Variants in NRP2 observed in about 807,000 individuals in gnomAD.
NRP2 encodes neuropilin-2.
In NRP2, 52 loss-of-function variants were observed where a neutral mutation model predicts 110.4. That is an observed-to-expected ratio of 0.47 (90% CI 0.38 to 0.59). NRP2 has a LOEUF of 0.59. Among genes scored for constraint, NRP2 ranks in the 20% least tolerant of loss-of-function variants. The pLI, the probability that NRP2 is intolerant of heterozygous loss-of-function variation, is 0.00. For synonymous variants in NRP2, 508 were observed against 468.9 expected (o/e 1.08, Z -1.08); for missense variants, 1,049 against 1,203.0 (o/e 0.87, Z 1.89).
At chr2:205,692,737 T>C (rs1482525904) in intron 1 of NRP2, among the ~76,000 whole-genome samples, 1 of 152,186 alleles carries the variant, frequency 6.6e-6, no homozygotes, top group East Asian at 1.9e-4. Flanking sequence ...ACCAAGCAGA[T>C]AGAACAGGGG....
chr2:205,752,329 CCTTGTT>C, intron 11 of NRP2: 26 of 201,928 alleles, frequency 1.3e-4, no homozygotes, highest in South Asian at 3.6e-4. Flanking sequence ...AACAAGCCTT[CCTTGTT>C]TCTGAGGTCA....
At chr2:205,776,830 T>C in intron 15 of NRP2, 4 of 1,299,540 alleles carry the variant, frequency 3.1e-6, no homozygotes, top group Non-Finnish European at 3.0e-6. Flanking sequence ...GCTGGTTTTG[T>C]TCCAGAGACT....
Position 205,697,564 on chromosome 2 carries a change from T to C in NRP2, c.94T>C (p.Leu32=), listed in dbSNP as rs758296308. 7 of 1,613,986 alleles carry C rather than the reference T, an allele frequency of 4.3e-6. No individual in the cohort carries two copies. In the Admixed American group the frequency reaches 8.3e-5, roughly 19 times the overall value. ...GQPDPPCGGR[L]NSKDAGYITS... The stretch of plus-strand genomic sequence containing the variant: ...TTCAGACCCACCGTGCGGAGGTCGT[T>C]TGAATTCCAAAGATGCTGGCTATAT... Residue 32 remains leucine (L), a synonymous_variant, in exon 2 of 17, where the codon TTG becomes CTG. Transcript: ENST00000357785.
intron 15 of NRP2, among the ~76,000 whole-genome samples, chr2:205,770,601 G>C (rs2058006040): frequency 6.6e-6 from 1 of 152,048 alleles, no homozygotes; most frequent in African/African-American, 2.4e-5. Flanking sequence ...TTTCTCCCTG[G>C]ACTCCCTTCC....
chr2:205,797,161 C>T lies in NRP2; in HGVS notation c.*2103C>T, dbSNP rs558610622. 6.5e-6 allele frequency: 1 copy of T among 152,808 alleles called. No homozygotes were observed. Among genetic ancestry groups the T allele is most frequent in the East Asian group, 1.9e-4 (1 of 5,184 alleles). The allele number at this position is 152,808 out of a possible 1,614,324, so 9.5% of individuals were successfully genotyped here. ...ACAGCTGATCTTGGCACTCGGCACT[C>T]ATTGGCACAGTGGTAGTTAGAGGTG... On this transcript the variant is annotated 3_prime_UTR_variant, in exon 17 of 17. Coordinates refer to ENST00000357785, the MANE Select transcript of NRP2 (RefSeq NM_003872.3).
intron 15 of NRP2, among the ~76,000 whole-genome samples, chr2:205,770,100 C>T (rs116181859): frequency 1.2e-3 from 187 of 152,216 alleles, no homozygotes; most frequent in African/African-American, 4.4e-3. Flanking sequence ...TAGAGACTCA[C>T]GGAAATCCCA....
chr2:205,776,660 A>C (rs1052109798), intron 15 of NRP2: 1 of 1,561,580 alleles, frequency 6.4e-7, no homozygotes, highest in Non-Finnish European at 8.6e-7. Flanking sequence ...CCCAACCCTG[A>C]GCACTCTTAT....
At chr2:205,744,831 C>A (rs779576911) in intron 9 of NRP2, among the ~76,000 whole-genome samples, 1 of 152,178 alleles carries the variant, frequency 6.6e-6, no homozygotes, top group South Asian at 2.1e-4. Flanking sequence ...GTAACTGGAA[C>A]CTTGCATCGA....
At chr2:205,741,409 C>T (rs980223939) in intron 8 of NRP2, among the ~76,000 whole-genome samples, 10 of 152,118 alleles carry the variant, frequency 6.6e-5, no homozygotes, top group Non-Finnish European at 4.4e-5. Flanking sequence ...ATGGTCACAG[C>T]TTTCTCAATG....
At chr2:205,733,068 C>T (rs887986933) in intron 7 of NRP2, among the ~76,000 whole-genome samples, 4 of 152,040 alleles carry the variant, frequency 2.6e-5, no homozygotes, top group Non-Finnish European at 5.9e-5. Context: ...TTTATCTGAC[C>T]CTCTCAATTA....
At chr2:205,776,366 C>T in intron 15 of NRP2, 1 of 1,613,262 alleles carries the variant, frequency 6.2e-7, no homozygotes, top group South Asian at 1.1e-5. Context: ...GTCTCCGTCG[C>T]GCTGGCCCTG....
chr2:205,723,996 G>A lies in NRP2; in HGVS notation c.820+56G>A, dbSNP rs13399278. Reference sequence around the variant, plus strand: ...GTCCTTCCGTCAGGGCTGTGAGGGTGTACAGGTGAAGGGGGGCTGAGCTCT... The same window carrying A: ...GTCCTTCCGTCAGGGCTGTGAGGGTATACAGGTGAAGGGGGGCTGAGCTCT... On this transcript the variant is annotated intron_variant, in intron 5 of 16. Coordinates refer to ENST00000357785, the MANE Select transcript of NRP2 (RefSeq NM_003872.3). 2.3e-3 allele frequency: 3,720 copies of A among 1,599,062 alleles called. 66 individuals carry two copies. The African/African-American group carries it at 0.042, about 18-fold the overall frequency.
chr2:205,734,709 C>G (rs948749874), intron 7 of NRP2, among the ~76,000 whole-genome samples: 1 of 152,114 alleles, frequency 6.6e-6, no homozygotes, highest in South Asian at 2.1e-4. Flanking sequence ...TTTCCCCCTT[C>G]TTGAGTGTCT....
At chr2:205,748,419 A>C (rs958754423) in intron 10 of NRP2, among the ~76,000 whole-genome samples, 1 of 152,234 alleles carries the variant, frequency 6.6e-6, no homozygotes, top group Non-Finnish European at 1.5e-5. Context: ...TTTGCTTTAC[A>C]ATCGAGTTTC....
intron 8 of NRP2, among the ~76,000 whole-genome samples, chr2:205,742,944 G>C (rs928584613): frequency 2.0e-5 from 3 of 152,152 alleles, no homozygotes; most frequent in African/African-American, 7.2e-5. Flanking sequence ...TAGATCTAAG[G>C]AAACTGAGGC....
Position 205,723,863 on chromosome 2 carries a change from C to G in NRP2, c.743C>G (p.Thr248Ser). The change falls in exon 5 of 17, where the codon ACC becomes AGC. Residue 248 changes from threonine (T) to serine (S), a missense_variant. Physicochemically the swap from Thr to Ser is moderately conservative, Grantham distance 58. Transcript: ENST00000357785. ...TCATCGACGGGGATCCTCTCCCTGA[C>G]CTTTCACACGGACATGGCGGTGGCC... is the stretch of plus-strand genomic sequence containing the variant. ...LRSSTGILSL[T>S]FHTDMAVAKD... is the part of the protein sequence containing the mutation. 1.2e-6 allele frequency: 2 copies of G among 1,614,218 alleles called. No individual in the cohort carries two copies. The highest frequency in any genetic ancestry group is 2.7e-5 in the African/African-American group (2 of 75,064).
chr2:205,725,153 C>G lies in NRP2; in HGVS notation c.821-760C>G, dbSNP rs115114084. 2.7e-3 allele frequency among the ~76,000 whole-genome samples: 415 copies of G among 152,280 alleles called. 2 individuals are homozygous for G. Among genetic ancestry groups the G allele is most frequent in the African/African-American group, 9.3e-3 (385 of 41,560 alleles). On this transcript the variant is annotated intron_variant, in intron 5 of 16. Transcript: ENST00000357785. This position sits in a 1 kb window ranked among gnomAD's most constrained non-coding sequence, Gnocchi z 4.1. ...TTCTGAAGATTGAGTGACAAAGAAA[C>G]AGTATGGCAAATTGCACCAGGTCCC...
intron 2 of NRP2, among the ~76,000 whole-genome samples, chr2:205,706,228 A>G (rs1190302971): frequency 6.6e-6 from 1 of 151,994 alleles, no homozygotes; most frequent in Admixed American, 6.6e-5. Context: ...TTTAGTGTCA[A>G]TGGAGCTGAA....
intron 2 of NRP2, among the ~76,000 whole-genome samples, chr2:205,707,664 G>C (rs2056708345): frequency 6.6e-6 from 1 of 152,190 alleles, no homozygotes; most frequent in Non-Finnish European, 1.5e-5. Context: ...AAACAAAAAG[G>C]ACTTTTCTGT....
Sources: gnomAD v4.1 joint callset for allele counts (sites outside exome capture counted in the v4.1 genomes callset) on GRCh38, gnomAD v4.1.1 for gene constraint, Gnocchi (gnomAD v3.1) non-coding constraint, MANE v1.5 for transcripts, NCBI Gene and HGNC (gene_info 2026-07-23, HGNC 2026-07-21) for gene names.